The following EIF3K variants were observed in gnomAD, a reference collection of about 807,000 sequenced individuals.
The protein encoded by EIF3K is eIF-3 p28.
In EIF3K, 27 loss-of-function variants were observed where a neutral mutation model predicts 34.2. The observed-to-expected ratio is 0.79, with a 90% CI of 0.58 to 1.09. The LOEUF is 1.09. Among genes scored for constraint, EIF3K ranks in the 50% least tolerant of loss-of-function variants. The pLI is 0.00. For missense variants in EIF3K, 232 were observed against 275.4 expected (o/e 0.84, Z 1.11); for synonymous variants, 105 against 105.7 (o/e 0.99, Z 0.04).
At chr19:38,632,282 T>C (rs1461325352) in intron 4 of EIF3K, 148 bp from the exon 5 acceptor site, 1 of 705,778 alleles carries the variant, frequency 1.4e-6, no homozygotes. Context: ...TCTTAGCACT[T>C]TGGGGGGCTG....
chr19:38,627,572 GA>G (rs1975975058), intron 4 of EIF3K, among the ~76,000 whole-genome samples: 3 of 151,882 alleles, frequency 2.0e-5, no homozygotes, highest in Non-Finnish European at 4.4e-5. Flanking sequence ...GCTGAGGCAG[GA>G]GAATCACTTG....
intron 4 of EIF3K, 174 bp downstream of exon 4, chr19:38,626,276 AT>A (rs2144769074): frequency 3.0e-6 from 2 of 660,022 alleles, no homozygotes; most frequent in South Asian, 1.8e-5. Flanking sequence ...CTCACAGGTC[AT>A]CCCCGTGCCC....
At position 38,634,925 on chromosome 19, in the gene EIF3K, G is replaced by A. The variant is rs2144784545; in HGVS notation, c.500-68G>A. 4 of 1,603,406 alleles carry A rather than the reference G, an allele frequency of 2.5e-6. No individual in the cohort carries two copies. The South Asian group carries it at 3.3e-5, about 13-fold the overall frequency. ...TGGCTTCCTGAGCCATGACTCTGTT[G>A]CCTCTCAGTCCCCTGGAACTGTGGG... On this transcript the variant is annotated intron_variant, in intron 6 of 7. Transcript: ENST00000248342.
At chr19:38,619,524 G>A (rs2144757660) in intron 1 of EIF3K, among the ~76,000 whole-genome samples, 197 bp downstream of exon 1, 1 of 152,326 alleles carries the variant, frequency 6.6e-6, no homozygotes, top group African/African-American at 2.4e-5. Flanking sequence ...CACTTTGGGA[G>A]GCCGAGGTAG....
chr19:38,635,682 T>C (rs1308918542), intron 7 of EIF3K: 1 of 154,976 alleles, frequency 6.5e-6, no homozygotes, highest in Admixed American at 6.4e-5. Flanking sequence ...TAAGTGTGAA[T>C]GCATGTATAA....
intron 5 of EIF3K, 23 bp downstream of exon 5, chr19:38,632,519 G>C: frequency 6.2e-7 from 1 of 1,613,826 alleles, no homozygotes; most frequent in Non-Finnish European, 8.5e-7. Flanking sequence ...CTGAGGCTGG[G>C]CTCCCCAAGG....
chr19:38,635,292 C>A, intron 7 of EIF3K, 174 bp downstream of exon 7: 1 of 902,164 alleles, frequency 1.1e-6, no homozygotes, highest in Non-Finnish European at 1.7e-6. Flanking sequence ...GGAGGAATAG[C>A]GGGGAGCTGG....
chr19:38,626,465 G>A, intron 4 of EIF3K: 3 of 237,220 alleles, frequency 1.3e-5, no homozygotes, highest in Non-Finnish European at 2.5e-5. Flanking sequence ...ACCAGCCTGA[G>A]CAACATAGTG....
In EIF3K at chr19:38,634,566, C is replaced by T. The variant is rs142673584; in HGVS notation, c.500-427C>T. 5.0e-3 allele frequency among the ~76,000 whole-genome samples: 763 copies of T among 151,716 alleles called. 2 individuals are homozygous for T. Among genetic ancestry groups the T allele is most frequent in the African/African-American group, 0.018 (738 of 41,376 alleles). ...TGAGCCGAGATTGCGCCATTGCACT[C>T]CAGCCTGAGCAACAAGAGCAAAAAC... On this transcript the variant is annotated intron_variant, in intron 6 of 7. Transcript: ENST00000248342.
chr19:38,620,776 C>T (rs911892570), intron 2 of EIF3K, among the ~76,000 whole-genome samples: 7 of 152,114 alleles, frequency 4.6e-5, no homozygotes, highest in African/African-American at 1.7e-4. Flanking sequence ...TGCCTGTAAT[C>T]CCAGCTACTC....
chr19:38,622,639 C>T (rs1451365419), intron 2 of EIF3K, among the ~76,000 whole-genome samples: 1 of 152,180 alleles, frequency 6.6e-6, no homozygotes, highest in Admixed American at 6.5e-5. Flanking sequence ...TGAGATCAAC[C>T]GGTCTGACCA....
At chr19:38,632,746 A>G in intron 6 of EIF3K, 68 bp downstream of exon 6, 1 of 1,435,506 alleles carries the variant, frequency 7.0e-7, no homozygotes, top group South Asian at 1.3e-5. Context: ...GACCTCAGTC[A>G]GCTCCTCCAA....
chr19:38,622,488 C>G (rs567984114), intron 2 of EIF3K, among the ~76,000 whole-genome samples: 1 of 152,294 alleles, frequency 6.6e-6, no homozygotes, highest in African/African-American at 2.4e-5. Flanking sequence ...ACATCAAGTA[C>G]TTAACAGGGT....
At chr19:38,626,999 T>C (rs955958967) in intron 4 of EIF3K, among the ~76,000 whole-genome samples, 1 of 152,070 alleles carries the variant, frequency 6.6e-6, no homozygotes, top group African/African-American at 2.4e-5. Context: ...TTATTTTGTT[T>C]TATTTTTGAG....
intron 6 of EIF3K, among the ~76,000 whole-genome samples, chr19:38,633,723 G>C (rs945886841): frequency 6.6e-6 from 1 of 151,004 alleles, no homozygotes; most frequent in Non-Finnish European, 1.5e-5. Flanking sequence ...GGCCACGTGT[G>C]ATGGCTCATA....
chr19:38,631,696 G>T (rs1056640959), intron 4 of EIF3K, among the ~76,000 whole-genome samples: 2 of 152,154 alleles, frequency 1.3e-5, no homozygotes, highest in Admixed American at 6.5e-5. Context: ...GTGTCGGGCT[G>T]GGGGACTGTC....
At chr19:38,635,150 G>C (rs1471581322) in intron 7 of EIF3K, 32 bp downstream of exon 7, 3 of 1,613,814 alleles carry the variant, frequency 1.9e-6, no homozygotes, top group Non-Finnish European at 2.5e-6. Flanking sequence ...CGGGCTTTGG[G>C]GCTAAGGGGG....
chr19:38,634,863 C>A, intron 6 of EIF3K, 130 bp from the exon 7 acceptor site: 1 of 1,337,564 alleles, frequency 7.5e-7, no homozygotes, highest in Non-Finnish European at 1.0e-6. Flanking sequence ...CCAGCTGCTG[C>A]TGTCCAGGAG....
chr19:38,635,970 C>T (rs758700477), intron 7 of EIF3K, among the ~76,000 whole-genome samples: 20 of 152,180 alleles, frequency 1.3e-4, no homozygotes, highest in Non-Finnish European at 2.2e-4. Flanking sequence ...TTTGGTACAA[C>T]GTGGTTTCTT....
Sources: gnomAD v4.1 joint callset for allele counts (sites outside exome capture counted in the v4.1 genomes callset) on GRCh38, gnomAD v4.1.1 for gene constraint, MANE v1.5 for transcripts, NCBI Gene and HGNC (gene_info 2026-07-23, HGNC 2026-07-21) for gene names.